The following PCDH15 variants were observed in gnomAD, a reference collection of about 807,000 sequenced individuals.
PCDH15 encodes protocadherin related 15.
A neutral mutation model predicts 178.5 loss-of-function variants in PCDH15; 129 were observed. The observed-to-expected ratio is 0.72, with a 90% CI of 0.63 to 0.84. The LOEUF is 0.84. Ranked by LOEUF, PCDH15 falls within the 40% of genes least tolerant of loss-of-function variation. The pLI, the probability that PCDH15 is intolerant of heterozygous loss-of-function variation, is 0.00. For missense variants in PCDH15, 2,230 were observed against 2,099.9 expected, an observed-to-expected ratio of 1.06 and a Z score of -1.21; for synonymous variants, 800 against 732.0, an observed-to-expected ratio of 1.09 and a Z score of -1.50.
At chr10:55,508,974 A>AAAAC (rs1565207559) in intron 2 of PCDH15, among the ~76,000 whole-genome samples, 2 of 151,558 alleles carry the variant, frequency 1.3e-5, no homozygotes, top group African/African-American at 4.8e-5. Flanking sequence ...CAAAACAAAA[A>AAAAC]AAAATATTTT....
At chr10:54,207,740 C>T (rs1384232297) in intron 10 of PCDH15, among the ~76,000 whole-genome samples, 4 of 152,048 alleles carry the variant, frequency 2.6e-5, no homozygotes, top group African/African-American at 9.7e-5. Context: ...TAGTTCTATC[C>T]AAGTGTATCA....
At chr10:55,178,977 G>C (rs931411196) in intron 1 of PCDH15, among the ~76,000 whole-genome samples, 2 of 152,114 alleles carry the variant, frequency 1.3e-5, no homozygotes, top group Non-Finnish European at 2.9e-5. Context: ...AGAATGATTA[G>C]TCTATTTTAC....
chr10:54,893,555 T>G (rs1954499606), intron 3 of PCDH15, among the ~76,000 whole-genome samples: 1 of 152,032 alleles, frequency 6.6e-6, no homozygotes, highest in African/African-American at 2.4e-5. Context: ...TGTATGTGTT[T>G]CGGGTGTGGG....
chr10:53,910,480 A>C (rs187320833), intron 25 of PCDH15, among the ~76,000 whole-genome samples: 5 of 152,304 alleles, frequency 3.3e-5, no homozygotes, highest in Non-Finnish European at 7.3e-5. Flanking sequence ...AACAAAAAGG[A>C]CACCCACACC....
intron 2 of PCDH15, among the ~76,000 whole-genome samples, chr10:55,158,532 T>C (rs1315579609): frequency 5.3e-5 from 8 of 151,996 alleles, no homozygotes; most frequent in Non-Finnish European, 7.4e-5. Context: ...GTTTCTCTAG[T>C]TGTGGTATGA....
chr10:54,291,579 C>A (rs1380106618), intron 8 of PCDH15, among the ~76,000 whole-genome samples: 1 of 151,884 alleles, frequency 6.6e-6, no homozygotes, highest in African/African-American at 2.4e-5. Context: ...CTTTAGAAGA[C>A]TAATAAAGAG....
chr10:55,533,881 G>A (rs1841512374), intron 2 of PCDH15, among the ~76,000 whole-genome samples: 1 of 151,954 alleles, frequency 6.6e-6, no homozygotes, highest in African/African-American at 2.4e-5. Flanking sequence ...TACAAAAACA[G>A]ATACATAGAC....
chr10:55,249,726 G>A (rs1183561025), intron 1 of PCDH15, among the ~76,000 whole-genome samples: 1 of 151,788 alleles, frequency 6.6e-6, no homozygotes, highest in East Asian at 1.9e-4. Context: ...ACAAATATAT[G>A]TTACACTTGG....
At chr10:54,443,177 T>A (rs1250298775) in intron 3 of PCDH15, among the ~76,000 whole-genome samples, 1 of 151,598 alleles carries the variant, frequency 6.6e-6, no homozygotes, top group Non-Finnish European at 1.5e-5. Flanking sequence ...TAGCAGCAAT[T>A]TTTTTTCCTT....
At chr10:55,127,162 G>C (rs746042660) in intron 2 of PCDH15, among the ~76,000 whole-genome samples, 64 of 152,152 alleles carry the variant, frequency 4.2e-4, no homozygotes, top group South Asian at 4.1e-4. Context: ...ATTGACACAA[G>C]ATCTACTTTG....
chr10:55,347,616 G>A (rs59138294), intron 2 of PCDH15, among the ~76,000 whole-genome samples: 1,924 of 152,196 alleles, frequency 0.013, 33 homozygotes, highest in African/African-American at 0.044. Context: ...AATTACCCTA[G>A]GGCATTGAGA....
chr10:54,405,384 G>A (rs546324455), intron 3 of PCDH15, among the ~76,000 whole-genome samples: 3 of 152,092 alleles, frequency 2.0e-5, no homozygotes, highest in South Asian at 2.1e-4. Context: ...TCTTTTGCAC[G>A]AACATGGATA....
At chr10:55,507,595 C>T (rs1453090262) in intron 2 of PCDH15, among the ~76,000 whole-genome samples, 3 of 151,298 alleles carry the variant, frequency 2.0e-5, no homozygotes, top group South Asian at 2.1e-4. Context: ...TCACTCTTGT[C>T]GCCCAAGCTG....
rs544440444 is a variant in PCDH15, at chr10:54,223,102, G to T, written c.986-9054C>A. ...TGAGGTGGGGGGATCACCTGAGGTC[G>T]GGAGTTTGAAACCAGCCTGACCAAC... On this transcript the variant is annotated intron_variant, in intron 9 of 37. Transcript: ENST00000644397. Among the ~76,000 whole-genome samples the T allele has an allele frequency of 2.6e-5, 4 of 151,786 alleles. No individual in the cohort carries two copies. The South Asian group carries it at 8.3e-4, about 32-fold the overall frequency.
chr10:53,919,788 A>G (rs1326564155), intron 25 of PCDH15, among the ~76,000 whole-genome samples: 6 of 152,116 alleles, frequency 3.9e-5, no homozygotes, highest in African/African-American at 1.4e-4. Flanking sequence ...ATTTATTTGT[A>G]TTTAGGTATT....
At chr10:55,024,140 G>T (rs1840414806) in intron 2 of PCDH15, among the ~76,000 whole-genome samples, 1 of 140,640 alleles carries the variant, frequency 7.1e-6, no homozygotes, top group Non-Finnish European at 1.5e-5. Context: ...TATATATATA[G>T]GAAGGAATAT....
chr10:54,621,116 A>C (rs2093337711), intron 2 of PCDH15, among the ~76,000 whole-genome samples: 1 of 152,024 alleles, frequency 6.6e-6, no homozygotes, highest in Non-Finnish European at 1.5e-5. Flanking sequence ...AAGTAAGCCC[A>C]GTGGACATAA....
intron 20 of PCDH15, among the ~76,000 whole-genome samples, chr10:54,013,460 T>G (rs1053274540): frequency 2.6e-5 from 4 of 152,104 alleles, no homozygotes; most frequent in Non-Finnish European, 5.9e-5. Context: ...TATACATACT[T>G]CTCATCACCA....
At chr10:54,131,404 G>C (rs1241613038) in intron 15 of PCDH15, among the ~76,000 whole-genome samples, 1 of 151,790 alleles carries the variant, frequency 6.6e-6, no homozygotes, top group East Asian at 1.9e-4. Flanking sequence ...TAAAGACAAA[G>C]ATCTTATTAC....
Sources: allele counts gnomAD v4.1 joint callset (sites outside exome capture counted in the v4.1 genomes callset), GRCh38; gene constraint gnomAD v4.1.1; transcripts MANE v1.5; gene names NCBI Gene and HGNC (gene_info 2026-07-23, HGNC 2026-07-21).